PRKN: variants seen among roughly 807,000 people sequenced by gnomAD.
PRKN encodes parkin RBR E3 ubiquitin protein ligase, also known as E3 ubiquitin-protein ligase parkin.
PRKN carries 56 observed loss-of-function variants against 59.5 expected under a neutral mutation model. That is an observed-to-expected ratio of 0.94 (90% confidence interval 0.76 to 1.18). The LOEUF is 1.18. PRKN is among the 50% of genes most tolerant of loss of function. The probability of loss-of-function intolerance (pLI) is 0.00; values close to 1 mark genes in which losing one functional copy is unlikely to be tolerated. For missense variants in PRKN, 657 were observed against 596.4 expected, an observed-to-expected ratio of 1.10 and a Z score of -1.06; for synonymous variants, 250 against 222.1, an observed-to-expected ratio of 1.13 and a Z score of -1.12.
chr6:161,483,187 A>C lies in PRKN; in HGVS notation c.1083+65667T>G, dbSNP rs1020729554. Among the ~76,000 whole-genome samples, 3 of 152,146 alleles carry C rather than the reference A, an allele frequency of 2.0e-5. No individual in the cohort carries two copies. Among genetic ancestry groups the C allele is most frequent in the Admixed American group, 2.0e-4 (3 of 15,282 alleles). On this transcript the variant is annotated intron_variant, in intron 9 of 11. Transcript: ENST00000366898. This position sits in a 1 kb window ranked among gnomAD's most constrained non-coding sequence, Gnocchi z 5.0. Reference sequence around the variant, plus strand: ...ACAATTGTGTTTCAAAAAAAAAAAAAAAAACATGCATTGTTAATGAGACTT... The same window carrying C: ...ACAATTGTGTTTCAAAAAAAAAAAACAAAACATGCATTGTTAATGAGACTT...
chr6:161,861,509 G>A (rs1032978001), intron 6 of PRKN, among the ~76,000 whole-genome samples: 1 of 151,864 alleles, frequency 6.6e-6, no homozygotes, highest in African/African-American at 2.4e-5. Flanking sequence ...GGGTTGAGGG[G>A]TGCAGCAAAC....
chr6:162,240,262 A>G (rs1778927526), intron 3 of PRKN, among the ~76,000 whole-genome samples: 1 of 152,204 alleles, frequency 6.6e-6, no homozygotes, highest in Non-Finnish European at 1.5e-5. Context: ...TATTAATTCT[A>G]TCATCCAATA....
chr6:161,764,703 T>C (rs1017457308), intron 7 of PRKN, among the ~76,000 whole-genome samples: 1 of 152,218 alleles, frequency 6.6e-6, no homozygotes, highest in Non-Finnish European at 1.5e-5. Flanking sequence ...AATTTAGAAA[T>C]CTATCTCCCT....
intron 1 of PRKN, chr6:162,727,398 G>A: frequency 4.3e-6 from 2 of 464,574 alleles, no homozygotes; most frequent in Non-Finnish European, 7.6e-6. Flanking sequence ...GTGCGGGGCC[G>A]CCTGGCGTCC....
chr6:162,388,865 C>A (rs9347628), intron 2 of PRKN, among the ~76,000 whole-genome samples: 2 of 152,224 alleles, frequency 1.3e-5, no homozygotes, highest in Non-Finnish European at 2.9e-5. Flanking sequence ...GTATGGGGGT[C>A]TGATGCCCTG....
chr6:162,297,461 G>A lies in PRKN; in HGVS notation c.172-34696C>T, dbSNP rs547226563. Among the ~76,000 whole-genome samples, 132 of 152,238 alleles carry A rather than the reference G, an allele frequency of 8.7e-4. 2 individuals carry two copies. The highest frequency in any genetic ancestry group is 8.5e-3 in the South Asian group (41 of 4,828). On this transcript the variant is annotated intron_variant, in intron 2 of 11. Transcript: ENST00000366898. ...AAGGAAAAAAGGCACAATTCTACAA[G>A]ATTGGATTTTGAAAGAACTTCTGTT...
At chr6:162,110,210 T>C (rs1362204274) in intron 4 of PRKN, among the ~76,000 whole-genome samples, 3 of 152,188 alleles carry the variant, frequency 2.0e-5, no homozygotes, top group Non-Finnish European at 4.4e-5. Context: ...GGAAAGGCAA[T>C]AGATAATTCT....
chr6:162,632,794 T>C (rs1317944925), intron 1 of PRKN, among the ~76,000 whole-genome samples: 4 of 152,072 alleles, frequency 2.6e-5, no homozygotes, highest in Non-Finnish European at 5.9e-5. Flanking sequence ...ATCCAGTTTG[T>C]TACAATAATA....
chr6:162,172,349 G>A (rs759835598), intron 4 of PRKN, among the ~76,000 whole-genome samples: 3 of 152,144 alleles, frequency 2.0e-5, no homozygotes, highest in Non-Finnish European at 2.9e-5. Flanking sequence ...AAGCCCAGTG[G>A]CTGAGCTGTT....
chr6:161,969,895 G>A (rs1015220807), intron 6 of PRKN, among the ~76,000 whole-genome samples: 9 of 151,714 alleles, frequency 5.9e-5, no homozygotes, highest in Admixed American at 1.3e-4. Flanking sequence ...AAGAGTCTGC[G>A]GGCCTAATTT....
chr6:162,569,468 G>A, intron 1 of PRKN: 1 of 689,234 alleles, frequency 1.5e-6, no homozygotes, highest in Non-Finnish European at 2.8e-6. Flanking sequence ...GCTGGAGAGT[G>A]AGGAGAGCCA....
rs1256918069 is a variant in PRKN at position 161,407,235 on chromosome 6, GTAAT to G, written c.1084-20362_1084-20359del. Among the ~76,000 whole-genome samples the G allele has an allele frequency of 1.3e-5, 2 of 151,996 alleles. No homozygotes were observed. The highest frequency in any genetic ancestry group is 4.8e-5 in the African/African-American group (2 of 41,350). ...ATAACTGCTAAGAGAGATGTTAATG[GTAAT>G]TAATCATGAGTGAGTCATAAATATA... On this transcript the variant is annotated intron_variant, in intron 9 of 11. Coordinates refer to ENST00000366898, the MANE Select transcript of PRKN (RefSeq NM_004562.3). This position sits in a 1 kb window ranked among gnomAD's most constrained non-coding sequence, Gnocchi z 4.9.
chr6:161,898,859 C>T (rs1446504619), intron 6 of PRKN, among the ~76,000 whole-genome samples: 2 of 152,140 alleles, frequency 1.3e-5, no homozygotes, highest in Admixed American at 6.5e-5. Context: ...GTGGCTTCTT[C>T]GTAATTTGCA....
At chr6:162,287,147 G>A (rs1252222489) in intron 2 of PRKN, among the ~76,000 whole-genome samples, 7 of 152,150 alleles carry the variant, frequency 4.6e-5, no homozygotes, top group Non-Finnish European at 5.9e-5. Flanking sequence ...TTACAGATGA[G>A]ACGCAACGAA....
intron 1 of PRKN, among the ~76,000 whole-genome samples, chr6:162,720,042 C>T (rs1006425410): frequency 6.6e-5 from 10 of 152,112 alleles, no homozygotes; most frequent in Admixed American, 2.0e-4. Context: ...AATGGATCTA[C>T]TCTGCGGGTA....
intron 7 of PRKN, among the ~76,000 whole-genome samples, chr6:161,782,045 A>T (rs1790227908): frequency 6.6e-6 from 1 of 152,214 alleles, no homozygotes; most frequent in Non-Finnish European, 1.5e-5. Context: ...CCTTTGGTGC[A>T]GTAACCCCTC....
intron 6 of PRKN, among the ~76,000 whole-genome samples, chr6:161,797,975 G>A (rs1239617135): frequency 3.3e-5 from 5 of 152,188 alleles, no homozygotes; most frequent in African/African-American, 1.2e-4. Context: ...GCCGAGGTGG[G>A]TGGATCACCA....
At chr6:162,380,912 T>C (rs1416503262) in intron 2 of PRKN, among the ~76,000 whole-genome samples, 5 of 152,116 alleles carry the variant, frequency 3.3e-5, no homozygotes, top group African/African-American at 1.2e-4. Flanking sequence ...CAAGCCTCCC[T>C]TTTTGAGAAG....
intron 7 of PRKN, among the ~76,000 whole-genome samples, chr6:161,631,756 C>T (rs183333761): frequency 1.2e-3 from 141 of 117,986 alleles, no homozygotes; most frequent in Non-Finnish European, 1.5e-3. Context: ...GCTAGGGGTA[C>T]GCACACACCC....
Sources: gnomAD v4.1 joint callset for allele counts (sites outside exome capture counted in the v4.1 genomes callset) on GRCh38, gnomAD v4.1.1 for gene constraint, Gnocchi (gnomAD v3.1) non-coding constraint, MANE v1.5 for transcripts, NCBI Gene and HGNC (gene_info 2026-07-23, HGNC 2026-07-21) for gene names.